SOX6: variants seen among roughly 807,000 people sequenced by gnomAD.
The protein encoded by SOX6 is transcription factor SOX-6.
Under a neutral mutation model 97.8 loss-of-function variants are expected in SOX6, and 11 were observed. The ratio of observed to expected loss-of-function variants is 0.11; its 90% CI spans 0.07 to 0.19. The LOEUF (loss-of-function observed/expected upper bound fraction) is 0.19, where lower values mean the gene tolerates loss of function less well. SOX6 is among the 10% of genes least tolerant of loss of function. The pLI is 1.00. For synonymous variants in SOX6, 360 were observed against 371.4 expected (o/e 0.97, Z 0.35); for missense variants, 810 against 1,039.5 (o/e 0.78, Z 3.04).
chr11:16,199,429 A>C (rs936141572), intron 4 of SOX6, among the ~76,000 whole-genome samples: 2 of 152,214 alleles, frequency 1.3e-5, no homozygotes, highest in Non-Finnish European at 2.9e-5. Flanking sequence ...AATATGTCCA[A>C]GATCACACAG....
intron 3 of SOX6, among the ~76,000 whole-genome samples, chr11:16,299,738 A>T (rs1049678649): frequency 4.6e-5 from 7 of 152,180 alleles, no homozygotes; most frequent in African/African-American, 1.7e-4. Context: ...GGTGTAAAAA[A>T]CAACTGTGTA....
intron 4 of SOX6, among the ~76,000 whole-genome samples, chr11:16,481,999 C>G (rs1860352300): frequency 6.6e-6 from 1 of 152,036 alleles, no homozygotes; most frequent in South Asian, 2.1e-4. Flanking sequence ...CTTTGCAAAT[C>G]TCTCAAATGT....
intron 3 of SOX6, 110 bp downstream of exon 3, chr11:16,318,336 T>C (rs989147886): frequency 8.5e-7 from 1 of 1,175,270 alleles, no homozygotes; most frequent in South Asian, 1.3e-5. Flanking sequence ...TCCTAGCTAG[T>C]GACAATTATG....
chr11:16,508,354 A>G (rs1458054323), intron 4 of SOX6, among the ~76,000 whole-genome samples: 1 of 152,192 alleles, frequency 6.6e-6, no homozygotes, highest in Non-Finnish European at 1.5e-5. Flanking sequence ...GCTACTAGGT[A>G]TTTATCCAAA....
At chr11:16,254,844 C>CA (rs986688338) in intron 3 of SOX6, among the ~76,000 whole-genome samples, 4 of 150,326 alleles carry the variant, frequency 2.7e-5, no homozygotes, top group East Asian at 3.9e-4. Flanking sequence ...CAGAGTGGGT[C>CA]AAAAAAAATA....
intron 3 of SOX6, among the ~76,000 whole-genome samples, chr11:16,622,786 A>G (rs983677233): frequency 2.6e-5 from 4 of 152,220 alleles, no homozygotes; most frequent in African/African-American, 9.6e-5. Flanking sequence ...GATACCCAGC[A>G]GTGAGACTGC....
At chr11:16,474,480 C>T (rs1860199795) in intron 1 of SOX6, among the ~76,000 whole-genome samples, 1 of 152,166 alleles carries the variant, frequency 6.6e-6, no homozygotes, top group African/African-American at 2.4e-5. Context: ...AATGGATGCT[C>T]TGTTAGCAAG....
intron 9 of SOX6, among the ~76,000 whole-genome samples, chr11:16,080,846 C>A (rs1280735429): frequency 6.6e-6 from 1 of 151,800 alleles, no homozygotes; most frequent in South Asian, 2.1e-4. Flanking sequence ...ACAGTGAAGC[C>A]CCAGAAAGAG....
chr11:16,535,400 CA>C (rs1357481703), intron 4 of SOX6, among the ~76,000 whole-genome samples: 1 of 152,134 alleles, frequency 6.6e-6, no homozygotes, highest in African/African-American at 2.4e-5. Context: ...TGGTCTTGGC[CA>C]GGCACAGTGG....
At chr11:16,407,872 C>A (rs1490839885) in intron 1 of SOX6, among the ~76,000 whole-genome samples, 2 of 152,070 alleles carry the variant, frequency 1.3e-5, no homozygotes, top group Non-Finnish European at 2.9e-5. Flanking sequence ...AATTACCTAA[C>A]TAATACAGAA....
At chr11:16,684,107 G>C (rs1847950242) in intron 3 of SOX6, among the ~76,000 whole-genome samples, 1 of 152,238 alleles carries the variant, frequency 6.6e-6, no homozygotes, top group African/African-American at 2.4e-5. Flanking sequence ...GAGAGGATGT[G>C]GAGAAATAGG....
chr11:16,159,221 G>T (rs991617728), intron 6 of SOX6, among the ~76,000 whole-genome samples: 13 of 152,000 alleles, frequency 8.6e-5, no homozygotes, highest in Non-Finnish European at 4.4e-5. Flanking sequence ...TCCCAGCTGT[G>T]TTTAAATCCT....
In SOX6 at chr11:15,977,722, G is replaced by A. The variant is rs375890545; in HGVS notation, c.2184-4610C>T. On this transcript the variant is annotated intron_variant, in intron 15 of 15. Transcript: ENST00000683767. Reference sequence around the variant, plus strand: ...TACTAGTCTCTAAATTTACAATGCTGTACTTCAAATAGGCCTCTGGTGCTG... The same window carrying A: ...TACTAGTCTCTAAATTTACAATGCTATACTTCAAATAGGCCTCTGGTGCTG... Among the ~76,000 whole-genome samples the A allele has an allele frequency of 7.4e-4, 113 of 152,084 alleles. 2 individuals carry two copies. In the South Asian group the frequency reaches 0.011, roughly 15 times the overall value.
At chr11:16,358,249 T>A (rs1440279455), upstream of SOX6, among the ~76,000 whole-genome samples, 2 of 152,170 alleles carry the variant, frequency 1.3e-5, no homozygotes, top group Non-Finnish European at 2.9e-5. Flanking sequence ...ACATTACTAA[T>A]AAAACTATAA....
At chr11:15,984,364 C>A (rs1404492293) in intron 15 of SOX6, among the ~76,000 whole-genome samples, 1 of 152,124 alleles carries the variant, frequency 6.6e-6, no homozygotes, top group African/African-American at 2.4e-5. Context: ...GCCTTCCAGA[C>A]TGGCGGAACA....
At chr11:16,139,191 G>A (rs902245211) in intron 6 of SOX6, among the ~76,000 whole-genome samples, 14 of 151,898 alleles carry the variant, frequency 9.2e-5, no homozygotes, top group South Asian at 4.2e-4. Flanking sequence ...TTCCACTATC[G>A]TGTTACACTT....
chr11:16,243,952 T>C (rs762317907), intron 3 of SOX6, among the ~76,000 whole-genome samples: 10 of 151,972 alleles, frequency 6.6e-5, no homozygotes, highest in Admixed American at 2.0e-4. Context: ...GTTTTCAGTT[T>C]AGATGTATTA....
Position 16,023,698 on chromosome 11 carries a change from G to A in SOX6, c.1624-8648C>T, listed in dbSNP as rs190300510. On this transcript the variant is annotated intron_variant, in intron 12 of 15. Transcript: ENST00000683767. Reference sequence around the variant, plus strand: ...TACATTGCTTAGCAATTCACCATTAGCAATTCATTCTTTGAATTAATTAAA... The same window carrying A: ...TACATTGCTTAGCAATTCACCATTAACAATTCATTCTTTGAATTAATTAAA... Among the ~76,000 whole-genome samples the A allele has an allele frequency of 5.7e-3, 868 of 152,140 alleles. 13 individuals are homozygous for A. The highest frequency in any genetic ancestry group is 5.9e-3 in the Non-Finnish European group (401 of 68,016).
At chr11:16,437,505 A>C (rs1859404159) in intron 1 of SOX6, among the ~76,000 whole-genome samples, 1 of 152,210 alleles carries the variant, frequency 6.6e-6, no homozygotes, top group African/African-American at 2.4e-5. Context: ...TATGTGAATT[A>C]AGATTAAAGG....
Sources: allele counts gnomAD v4.1 joint callset (sites outside exome capture counted in the v4.1 genomes callset), GRCh38; gene constraint gnomAD v4.1.1; transcripts MANE v1.5; gene names NCBI Gene and HGNC (gene_info 2026-07-23, HGNC 2026-07-21).